WFDC1: variants seen among roughly 807,000 people sequenced by gnomAD.
The protein encoded by WFDC1 is WAP four-disulfide core domain 1.
Under a neutral mutation model 32.9 loss-of-function variants are expected in WFDC1, and 39 were observed. The ratio of observed to expected loss-of-function variants is 1.19; its 90% CI spans 0.92 to 1.55. The LOEUF (loss-of-function observed/expected upper bound fraction) is 1.55, where lower values mean the gene tolerates loss of function less well. Ranked by LOEUF, WFDC1 falls within the 40% of genes most tolerant of loss-of-function variation. The pLI is 0.00. For missense variants in WFDC1, 386 were observed against 309.5 expected (o/e 1.25, Z -1.85); for synonymous variants, 184 against 137.4 (o/e 1.34, Z -2.37).
chr16:84,326,813 G>C, intron 5 of WFDC1, 69 bp from the exon 6 acceptor site: 1 of 1,593,746 alleles, frequency 6.3e-7, no homozygotes, highest in Non-Finnish European at 8.6e-7. Flanking sequence ...GCAGTTCCTG[G>C]TGAGCCACGG....
intron 1 of WFDC1, among the ~76,000 whole-genome samples, chr16:84,297,577 A>G (rs928123730): frequency 2.2e-5 from 3 of 135,324 alleles, no homozygotes; most frequent in South Asian, 2.5e-4. Flanking sequence ...AGATTGTGCC[A>G]TTGCACTCCA....
rs567029152 is a variant in WFDC1, at chr16:84,310,348, C to T, written c.145-2613C>T. On this transcript the variant is annotated intron_variant, in intron 1 of 6. Transcript: ENST00000219454. ...ACGGGCATTCGGCAGAGGATCAGCA[C>T]GGGCAAAGGCCTGGAGGTGACGGCG... is the stretch of plus-strand genomic sequence containing the variant. Among the ~76,000 whole-genome samples the T allele has an allele frequency of 3.4e-4, 52 of 152,156 alleles. 1 individual carries two copies. The South Asian group carries it at 0.011, about 31-fold the overall frequency.
intron 4 of WFDC1, among the ~76,000 whole-genome samples, chr16:84,320,344 T>C (rs746587459): frequency 6.6e-6 from 1 of 152,214 alleles, no homozygotes; most frequent in African/African-American, 2.4e-5. Context: ...CATAACTCCA[T>C]TGTAAGTCAA....
intron 5 of WFDC1, chr16:84,325,663 C>G (rs1028387488): frequency 1.1e-4 from 16 of 152,014 alleles, no homozygotes; most frequent in Non-Finnish European, 1.9e-4. Flanking sequence ...TCCATTTTTT[C>G]AAGCATGCAT....
At chr16:84,297,911 A>C (rs1046689214) in intron 1 of WFDC1, among the ~76,000 whole-genome samples, 1 of 152,048 alleles carries the variant, frequency 6.6e-6, no homozygotes, top group African/African-American at 2.4e-5. Flanking sequence ...CACAAAGTCG[A>C]GACTTCCCCG....
intron 1 of WFDC1, among the ~76,000 whole-genome samples, chr16:84,297,206 C>G (rs745742818): frequency 9.9e-5 from 15 of 152,106 alleles, no homozygotes; most frequent in Non-Finnish European, 2.1e-4. Flanking sequence ...CTTGTAGCCA[C>G]CACTGGTCAG....
rs1301443752 is a variant in WFDC1 at position 84,329,643 on chromosome 16, A to G, written c.*337A>G. On this transcript the variant is annotated 3_prime_UTR_variant, in exon 7 of 7. Transcript: ENST00000219454. ...CTAAGACAAGGCTCAGCATCTTGATATTTTTGACAGATTCCTCCCAAGTCT... is the reference window on the plus strand; with the variant it reads ...CTAAGACAAGGCTCAGCATCTTGATGTTTTTGACAGATTCCTCCCAAGTCT... The G allele has an allele frequency of 1.3e-5, 2 of 152,140 alleles. No individual in the cohort carries two copies. The highest frequency in any genetic ancestry group is 3.9e-4 in the East Asian group (2 of 5,188). 9.4% of individuals were successfully genotyped at this position (152,140 alleles called of 1,614,324 possible).
intron 2 of WFDC1, among the ~76,000 whole-genome samples, chr16:84,315,222 AT>A (rs1047403521): frequency 7.2e-5 from 11 of 152,114 alleles, no homozygotes; most frequent in Non-Finnish European, 1.6e-4. Flanking sequence ...CTTTAGACCT[AT>A]TTCCAAAGGC....
chr16:84,318,468 A>G, intron 3 of WFDC1, 113 bp downstream of exon 3: 4 of 964,632 alleles, frequency 4.1e-6, no homozygotes, highest in Non-Finnish European at 6.5e-6. Context: ...CGGGCCCTTC[A>G]GCCAAACACT....
chr16:84,314,231 C>T (rs62050694), intron 2 of WFDC1, among the ~76,000 whole-genome samples: 16,823 of 152,076 alleles, frequency 0.11, 1,135 homozygotes, highest in Non-Finnish European at 0.16. Context: ...TTTCAGATCC[C>T]TTTTGAAGAG....
chr16:84,302,324 C>T (rs2151367877), intron 1 of WFDC1, among the ~76,000 whole-genome samples: 1 of 152,256 alleles, frequency 6.6e-6, no homozygotes, highest in East Asian at 1.9e-4. Context: ...ATTAATGCCG[C>T]CAACTCGCAC....
intron 3 of WFDC1, 159 bp downstream of exon 3, chr16:84,318,514 G>T (rs1908098165): frequency 1.5e-6 from 1 of 657,520 alleles, no homozygotes; most frequent in South Asian, 1.7e-5. Flanking sequence ...CAGCGAAGAA[G>T]GGCTGATGGC....
Position 84,319,330 on chromosome 16 carries a change from C to T in WFDC1, c.422-101C>T, listed in dbSNP as rs1395440265. 68 of 1,504,080 alleles carry T rather than the reference C, an allele frequency of 4.5e-5. No homozygotes were observed. In the East Asian group the frequency reaches 8.0e-4, roughly 18 times the overall value. 93.2% of individuals were successfully genotyped at this position (1,504,080 alleles called of 1,614,324 possible). ...CGAGGCCGCCTCTCTGGGTGAGGTG[C>T]GTTCCCTGCACCCGTCCCGGGAGTC... On this transcript the variant is annotated intron_variant, in intron 3 of 6. Transcript: ENST00000219454.
rs892773070 is a variant in WFDC1 at position 84,315,085 on chromosome 16, G to A, written c.337+1932G>A. 3.9e-5 allele frequency among the ~76,000 whole-genome samples: 6 copies of A among 152,248 alleles called. 1 individual carries two copies. The highest frequency in any genetic ancestry group is 2.9e-5 in the Non-Finnish European group (2 of 68,054). ...TCCAGTTGTCTGACTGTAGAGAAGT[G>A]TTCATTGCCTTAGGCCGTGAGTGTG... On this transcript the variant is annotated intron_variant, in intron 2 of 6. Transcript: ENST00000219454.
chr16:84,302,802 G>C (rs1367557639), intron 1 of WFDC1, among the ~76,000 whole-genome samples: 1 of 152,132 alleles, frequency 6.6e-6, no homozygotes, highest in Non-Finnish European at 1.5e-5. Flanking sequence ...AACGTCTTCT[G>C]GTTCAACTCG....
chr16:84,318,420 A>C (rs931850466), intron 3 of WFDC1, 65 bp downstream of exon 3: 1 of 1,544,320 alleles, frequency 6.5e-7, no homozygotes, highest in African/African-American at 1.4e-5. Flanking sequence ...AGCTGCTTCC[A>C]GAAAGCTGGC....
intron 1 of WFDC1, among the ~76,000 whole-genome samples, chr16:84,309,604 T>A (rs997254378): frequency 6.6e-6 from 1 of 151,896 alleles, no homozygotes; most frequent in Non-Finnish European, 1.5e-5. Context: ...GAGGGGTGGT[T>A]AAGCCAACAG....
At chr16:84,310,741 G>T (rs1032509898) in intron 1 of WFDC1, among the ~76,000 whole-genome samples, 3 of 152,114 alleles carry the variant, frequency 2.0e-5, no homozygotes, top group Non-Finnish European at 2.9e-5. Context: ...CCGAACCGTG[G>T]TTTTCTTCAT....
chr16:84,308,758 G>C (rs1183858974), intron 1 of WFDC1, among the ~76,000 whole-genome samples: 1 of 152,118 alleles, frequency 6.6e-6, no homozygotes. Context: ...CCTGAGTGTA[G>C]ATGCCAGCCT....
Sources: gnomAD v4.1 joint callset for allele counts (sites outside exome capture counted in the v4.1 genomes callset) on GRCh38, gnomAD v4.1.1 for gene constraint, MANE v1.5 for transcripts, NCBI Gene and HGNC (gene_info 2026-07-23, HGNC 2026-07-21) for gene names.